Variants in TENM4 observed in about 807,000 individuals in gnomAD.
TENM4 encodes the protein teneurin transmembrane protein 4, also known as teneurin-4.
In TENM4, 82 loss-of-function variants were observed where a neutral mutation model predicts 243.3. The observed-to-expected ratio is 0.34, with a 90% CI of 0.28 to 0.40. TENM4 has a LOEUF of 0.40. TENM4 is among the 10% of genes least tolerant of loss of function. TENM4 has a pLI of 1.00. For missense variants in TENM4, 3,138 were observed against 3,673.3 expected, an observed-to-expected ratio of 0.85 and a Z score of 3.77; for synonymous variants, 1,412 against 1,456.3, an observed-to-expected ratio of 0.97 and a Z score of 0.69.
chr11:79,112,318 G>A (rs1311937404), intron 4 of TENM4, among the ~76,000 whole-genome samples: 3 of 152,230 alleles, frequency 2.0e-5, no homozygotes, highest in Admixed American at 6.5e-5. Context: ...TCAGTGTGGT[G>A]GAGCATATGG....
At chr11:78,883,446 G>A (rs1591097983) in intron 9 of TENM4, among the ~76,000 whole-genome samples, 1 of 152,154 alleles carries the variant, frequency 6.6e-6, no homozygotes, top group East Asian at 1.9e-4. Flanking sequence ...AGAACCCCAC[G>A]CTGCATTAGA....
In TENM4 at chr11:79,346,263, T is replaced by C. The variant is rs528809603; in HGVS notation, c.-320-48720A>G. ...TGCTAAGAGTCTGAGCCACACAGCT[T>C]CGATGTCAGCCGGACAGTACCTCAG... is the stretch of plus-strand genomic sequence containing the variant. On this transcript the variant is annotated intron_variant, in intron 1 of 33. Transcript: ENST00000278550. 5.9e-5 allele frequency among the ~76,000 whole-genome samples: 9 copies of C among 152,288 alleles called. No homozygotes were observed. In the South Asian group the frequency reaches 1.7e-3, roughly 28 times the overall value.
intron 3 of TENM4, among the ~76,000 whole-genome samples, chr11:79,163,185 G>T (rs1862792589): frequency 6.6e-6 from 1 of 152,130 alleles, no homozygotes; most frequent in Non-Finnish European, 1.5e-5. Flanking sequence ...GGGGTGAGAG[G>T]GAGAGTGAGA....
chr11:78,971,846 T>A (rs1857552559), intron 6 of TENM4, among the ~76,000 whole-genome samples: 1 of 152,186 alleles, frequency 6.6e-6, no homozygotes, highest in Admixed American at 6.5e-5. Flanking sequence ...AAATGCTTCC[T>A]TGTGTAATGA....
intron 1 of TENM4, among the ~76,000 whole-genome samples, chr11:79,424,056 A>G (rs945208694): frequency 6.6e-6 from 1 of 152,214 alleles, no homozygotes; most frequent in Admixed American, 6.5e-5. Context: ...ATACATTAAA[A>G]AAGATGGAAC....
intron 3 of TENM4, among the ~76,000 whole-genome samples, chr11:79,161,344 G>C (rs1017298426): frequency 1.3e-5 from 2 of 152,180 alleles, no homozygotes; most frequent in African/African-American, 4.8e-5. Flanking sequence ...TGGTTGAAAC[G>C]TGTGCCTTCA....
At chr11:79,160,206 T>C (rs1320390558) in intron 3 of TENM4, among the ~76,000 whole-genome samples, 2 of 152,194 alleles carry the variant, frequency 1.3e-5, no homozygotes, top group Non-Finnish European at 2.9e-5. Flanking sequence ...TCTTCCATTT[T>C]AACATCCTGC....
At chr11:79,051,730 G>A (rs1421088297) in intron 6 of TENM4, among the ~76,000 whole-genome samples, 5 of 152,246 alleles carry the variant, frequency 3.3e-5, no homozygotes, top group East Asian at 3.9e-4. Flanking sequence ...ATAAATAAAC[G>A]TGTGTCATGG....
At chr11:79,319,316 A>G (rs1275594885) in intron 1 of TENM4, among the ~76,000 whole-genome samples, 1 of 152,148 alleles carries the variant, frequency 6.6e-6, no homozygotes, top group Admixed American at 6.5e-5. Context: ...GTAAAGTATA[A>G]AAAAAAGAAG....
intron 6 of TENM4, among the ~76,000 whole-genome samples, chr11:78,992,759 C>A (rs1449654882): frequency 6.6e-6 from 1 of 152,158 alleles, no homozygotes; most frequent in African/African-American, 2.4e-5. Flanking sequence ...GTGGGGATAA[C>A]CTACAATCTC....
chr11:79,136,994 G>A (rs1423164995), intron 4 of TENM4, among the ~76,000 whole-genome samples: 2 of 152,080 alleles, frequency 1.3e-5, no homozygotes, highest in Non-Finnish European at 2.9e-5. Context: ...TCCAATCTAT[G>A]GCACTGTTTC....
chr11:78,831,335 G>A (rs953183972), intron 12 of TENM4, among the ~76,000 whole-genome samples: 5 of 152,152 alleles, frequency 3.3e-5, no homozygotes, highest in African/African-American at 1.2e-4. Flanking sequence ...TCCCTCTATG[G>A]CCCCAGCTCC....
At chr11:78,790,012 T>C (rs902179814) in intron 15 of TENM4, among the ~76,000 whole-genome samples, 2 of 152,180 alleles carry the variant, frequency 1.3e-5, no homozygotes, top group African/African-American at 4.8e-5. Context: ...TTATATATAG[T>C]AGGTATCAAT....
chr11:79,159,803 C>T (rs1302019580), intron 3 of TENM4, among the ~76,000 whole-genome samples: 1 of 152,214 alleles, frequency 6.6e-6, no homozygotes, highest in Non-Finnish European at 1.5e-5. Context: ...CTACTTAATA[C>T]TGACTCAGTC....
chr11:79,101,959 A>T (rs1565204559), intron 4 of TENM4, among the ~76,000 whole-genome samples: 1 of 152,202 alleles, frequency 6.6e-6, no homozygotes, highest in African/African-American at 2.4e-5. Context: ...GCTAGGAACC[A>T]GGCTCCAGGG....
chr11:79,052,638 G>A (rs1463845400), intron 6 of TENM4, among the ~76,000 whole-genome samples: 1 of 152,168 alleles, frequency 6.6e-6, no homozygotes, highest in Admixed American at 6.5e-5. Context: ...GATGTGGCGA[G>A]GGAGGGAGGG....
chr11:79,163,783 A>G (rs1862812639), intron 3 of TENM4, among the ~76,000 whole-genome samples: 1 of 67,846 alleles, frequency 1.5e-5, no homozygotes, highest in Non-Finnish European at 2.9e-5. Context: ...ACACATACAT[A>G]TATATATACA....
intron 1 of TENM4, among the ~76,000 whole-genome samples, chr11:79,409,110 GCGCGTGCGTGCACGCGCA>G (rs1858641503): frequency 6.9e-6 from 1 of 144,622 alleles, no homozygotes; most frequent in Non-Finnish European, 1.5e-5. Flanking sequence ...GTGCGCGCGC[GCGCGTGCGTGCACGCGCA>G]CGCACATGCG....
intron 6 of TENM4, among the ~76,000 whole-genome samples, chr11:79,047,290 C>T (rs1300030417): frequency 6.6e-6 from 1 of 152,170 alleles, no homozygotes; most frequent in Admixed American, 6.5e-5. Context: ...CCCATCAGAT[C>T]TACTTAAAAG....
Sources: allele counts gnomAD v4.1 joint callset (sites outside exome capture counted in the v4.1 genomes callset), GRCh38; gene constraint gnomAD v4.1.1; transcripts MANE v1.5; gene names NCBI Gene and HGNC (gene_info 2026-07-23, HGNC 2026-07-21).